Variants in CCSER1 observed in about 807,000 individuals in gnomAD.
CCSER1 encodes coiled-coil serine rich protein 1, also known as serine-rich coiled-coil domain-containing protein 1.
In CCSER1, 41 loss-of-function variants were observed where a neutral mutation model predicts 82.0. The ratio of observed to expected loss-of-function variants is 0.50; its 90% CI spans 0.39 to 0.65. The LOEUF (loss-of-function observed/expected upper bound fraction) is 0.65. Among genes scored for constraint, CCSER1 ranks in the 30% least tolerant of loss-of-function variants. The pLI, the probability that CCSER1 is intolerant of heterozygous loss-of-function variation, is 0.00. For missense variants in CCSER1, 1,119 were observed against 1,064.2 expected (o/e 1.05, Z -0.72); for synonymous variants, 414 against 383.9 (o/e 1.08, Z -0.92).
intron 3 of CCSER1, among the ~76,000 whole-genome samples, chr4:90,336,357 A>C (rs1195657316): frequency 1.3e-5 from 2 of 152,228 alleles, no homozygotes; most frequent in African/African-American, 4.8e-5. Context: ...TTCAGATTCC[A>C]AACATAGGAC....
chr4:90,337,461 G>T (rs952810178), intron 3 of CCSER1, among the ~76,000 whole-genome samples: 2 of 152,056 alleles, frequency 1.3e-5, no homozygotes, highest in African/African-American at 4.8e-5. Flanking sequence ...CCTGATTGTG[G>T]GGATCTGGAA....
chr4:91,169,297 T>A (rs539400953), intron 10 of CCSER1, among the ~76,000 whole-genome samples: 1 of 151,968 alleles, frequency 6.6e-6, no homozygotes, highest in Non-Finnish European at 1.5e-5. Flanking sequence ...GTTACTTCCT[T>A]CAGTTTTTGC....
intron 8 of CCSER1, among the ~76,000 whole-genome samples, chr4:90,899,033 G>C (rs564172670): frequency 7.4e-4 from 112 of 151,844 alleles, no homozygotes; most frequent in Non-Finnish European, 1.2e-3. Context: ...ATTTTTTTGG[G>C]ATGTGTAGTC....
chr4:90,438,632 A>C (rs1578467467), intron 4 of CCSER1, among the ~76,000 whole-genome samples: 2 of 152,212 alleles, frequency 1.3e-5, no homozygotes, highest in Admixed American at 6.5e-5. Context: ...ACATAATCAT[A>C]AAGTCTAATC....
At chr4:90,484,691 T>C (rs985356571) in intron 5 of CCSER1, among the ~76,000 whole-genome samples, 2 of 152,182 alleles carry the variant, frequency 1.3e-5, no homozygotes, top group Admixed American at 1.3e-4. Flanking sequence ...ACAGTGGATA[T>C]TGGTGAACCG....
intron 8 of CCSER1, among the ~76,000 whole-genome samples, chr4:90,861,760 A>G (rs1019815627): frequency 6.6e-6 from 1 of 151,562 alleles, no homozygotes; most frequent in Non-Finnish European, 1.5e-5. Context: ...GTCTCATTTG[A>G]CCCTTACAAA....
At chr4:91,164,635 A>T (rs1045708424) in intron 10 of CCSER1, among the ~76,000 whole-genome samples, 1 of 152,022 alleles carries the variant, frequency 6.6e-6, no homozygotes, top group African/African-American at 2.4e-5. Context: ...ATTTCTTTCT[A>T]TTCTTTTTTC....
chr4:90,637,417 T>C (rs1300281735), intron 6 of CCSER1, among the ~76,000 whole-genome samples: 1 of 152,160 alleles, frequency 6.6e-6, no homozygotes, highest in Non-Finnish European at 1.5e-5. Flanking sequence ...TCAAATTTAT[T>C]GGTCACAAAG....
intron 9 of CCSER1, among the ~76,000 whole-genome samples, chr4:90,960,694 C>G (rs1471394752): frequency 6.6e-6 from 1 of 152,140 alleles, no homozygotes; most frequent in East Asian, 1.9e-4. Flanking sequence ...CCTCAGAGCT[C>G]TTATTCTGTT....
At chr4:90,699,929 A>G (rs1262848701) in intron 6 of CCSER1, among the ~76,000 whole-genome samples, 1 of 152,046 alleles carries the variant, frequency 6.6e-6, no homozygotes, top group Non-Finnish European at 1.5e-5. Context: ...TCTATGAGCC[A>G]GAAAATGGGC....
At chr4:90,938,469 A>G (rs903833696) in intron 9 of CCSER1, among the ~76,000 whole-genome samples, 1 of 152,040 alleles carries the variant, frequency 6.6e-6, no homozygotes, top group Non-Finnish European at 1.5e-5. Flanking sequence ...AGCATGTTTA[A>G]TTGGAAGTTG....
In CCSER1 at chr4:90,323,739, T is replaced by A. The variant is rs1302766048; in HGVS notation, c.1509+10692T>A. Among the ~76,000 whole-genome samples the A allele has an allele frequency of 2.0e-5, 3 of 152,112 alleles. No individual in the cohort carries two copies. In the East Asian group the frequency reaches 5.8e-4, roughly 29 times the overall value. On this transcript the variant is annotated intron_variant, in intron 3 of 10. Coordinates refer to ENST00000509176, the MANE Select transcript of CCSER1 (RefSeq NM_001145065.2). Reference sequence around the variant, plus strand: ...AATGTGCAGGTTAGTTACATATGTATACATGTGCCATGCTGGTGTGCTGCA... The same window carrying A: ...AATGTGCAGGTTAGTTACATATGTAAACATGTGCCATGCTGGTGTGCTGCA...
At chr4:91,563,692 G>A (rs979116295) in intron 10 of CCSER1, among the ~76,000 whole-genome samples, 1 of 151,640 alleles carries the variant, frequency 6.6e-6, no homozygotes, top group Non-Finnish European at 1.5e-5. Flanking sequence ...ACTTGACATC[G>A]TAACCAGAGC....
intron 3 of CCSER1, among the ~76,000 whole-genome samples, chr4:90,326,567 G>T (rs1738253832): frequency 6.6e-6 from 1 of 151,626 alleles, no homozygotes; most frequent in Non-Finnish European, 1.5e-5. Context: ...TCTCTGTTAG[G>T]CTCTTTATTG....
chr4:90,632,289 T>G (rs1464870029), intron 6 of CCSER1, among the ~76,000 whole-genome samples: 1 of 152,078 alleles, frequency 6.6e-6, no homozygotes. Flanking sequence ...TTTTAAAAGT[T>G]ATTTTGTCAT....
intron 10 of CCSER1, among the ~76,000 whole-genome samples, chr4:91,153,070 G>A (rs952621572): frequency 2.0e-4 from 31 of 152,010 alleles, no homozygotes; most frequent in Non-Finnish European, 7.4e-5. Flanking sequence ...TTGCTAATTT[G>A]GGGAAGTTCT....
intron 5 of CCSER1, among the ~76,000 whole-genome samples, chr4:90,502,289 G>A (rs1025977134): frequency 2.0e-5 from 3 of 152,088 alleles, no homozygotes; most frequent in Admixed American, 6.6e-5. Flanking sequence ...GTGGCAGCAG[G>A]AGAGAGAGAA....
intron 5 of CCSER1, among the ~76,000 whole-genome samples, chr4:90,506,058 A>G (rs993527621): frequency 2.0e-5 from 3 of 152,162 alleles, no homozygotes; most frequent in South Asian, 2.1e-4. Context: ...GTTTTATTCA[A>G]CTTCTACCCT....
chr4:90,409,582 A>C (rs185941872), intron 4 of CCSER1, among the ~76,000 whole-genome samples: 255 of 152,328 alleles, frequency 1.7e-3, no homozygotes, highest in African/African-American at 5.8e-3. Context: ...GCAAATGCTG[A>C]GAGATTTTGT....
Sources: allele counts gnomAD v4.1 joint callset (sites outside exome capture counted in the v4.1 genomes callset), GRCh38; gene constraint gnomAD v4.1.1; transcripts MANE v1.5; gene names NCBI Gene and HGNC (gene_info 2026-07-23, HGNC 2026-07-21).